The following PHACTR2 variants were observed in gnomAD, a reference collection of about 807,000 sequenced individuals.
PHACTR2 encodes phosphatase and actin regulator 2.
In PHACTR2, 30 loss-of-function variants were observed where a neutral mutation model predicts 76.0. That is an observed-to-expected ratio of 0.39 (90% confidence interval 0.30 to 0.54). The LOEUF (loss-of-function observed/expected upper bound fraction) is 0.54, where lower values mean the gene tolerates loss of function less well. PHACTR2 is among the 20% of genes least tolerant of loss of function. The pLI, the probability that PHACTR2 is intolerant of heterozygous loss-of-function variation, is 0.61. For synonymous variants in PHACTR2, 292 were observed against 292.5 expected (o/e 1.00, Z 0.02); for missense variants, 696 against 781.1 (o/e 0.89, Z 1.30).
At chr6:143,746,010 A>C (rs535174998) in intron 2 of PHACTR2, among the ~76,000 whole-genome samples, 1 of 152,356 alleles carries the variant, frequency 6.6e-6, no homozygotes, top group South Asian at 2.1e-4. Context: ...TCAAAACTAA[A>C]ACTAAAGAAT....
Position 143,775,380 on chromosome 6 carries a change from T to G in PHACTR2, c.1589+1165T>G, listed in dbSNP as rs887569829. ...AATTCAGCCCTAACCTGTGACCATT[T>G]CTGGCTTCGGGAAAAAGCCAGCAGA... On this transcript the variant is annotated intron_variant, in intron 8 of 12. Transcript: ENST00000440869. This position sits in a 1 kb window ranked among gnomAD's most constrained non-coding sequence, Gnocchi z 4.4. 6.6e-6 allele frequency among the ~76,000 whole-genome samples: 1 copy of G among 152,204 alleles called. No homozygotes were observed. Among genetic ancestry groups the G allele is most frequent in the African/African-American group, 2.4e-5 (1 of 41,442 alleles).
At chr6:143,630,615 T>C (rs1776348293) in intron 1 of PHACTR2, among the ~76,000 whole-genome samples, 1 of 152,182 alleles carries the variant, frequency 6.6e-6, no homozygotes, top group East Asian at 1.9e-4. Flanking sequence ...TGAATAAAAA[T>C]CATGGTAATG....
At chr6:143,746,294 A>G (rs892961201) in intron 2 of PHACTR2, among the ~76,000 whole-genome samples, 1 of 152,218 alleles carries the variant, frequency 6.6e-6, no homozygotes, top group African/African-American at 2.4e-5. Flanking sequence ...TAGGAATTCA[A>G]GGACTAGAAT....
intron 1 of PHACTR2, among the ~76,000 whole-genome samples, chr6:143,551,790 A>G (rs1775099006): frequency 1.3e-5 from 2 of 152,178 alleles, no homozygotes; most frequent in African/African-American, 4.8e-5. Context: ...ATATTATAAT[A>G]CCCATTGAAA....
At chr6:143,628,092 G>T (rs1776291535) in intron 1 of PHACTR2, among the ~76,000 whole-genome samples, 1 of 152,152 alleles carries the variant, frequency 6.6e-6, no homozygotes, top group African/African-American at 2.4e-5. Context: ...TGTTTTCAAG[G>T]TTCATCCAGG....
At position 143,616,083 on chromosome 6, in the gene PHACTR2, T is replaced by C. The variant is rs1477489472; in HGVS notation, c.13+7761T>C. On this transcript the variant is annotated intron_variant, in intron 1 of 11. Coordinates refer to the PHACTR2 transcript ENST00000305766. This position sits in a 1 kb window ranked among gnomAD's most constrained non-coding sequence, Gnocchi z 4.9. The stretch of plus-strand genomic sequence containing the variant: ...TCAAAGTTTCAGGGTTTCCTACCAC[T>C]TGGTATAAAGTATCTGCCTAATTGT... Among the ~76,000 whole-genome samples, 1 of 152,242 alleles carries C rather than the reference T, an allele frequency of 6.6e-6. No individual in the cohort carries two copies. The highest frequency in any genetic ancestry group is 1.5e-5 in the Non-Finnish European group (1 of 68,036).
chr6:143,806,719 TG>T lies in PHACTR2; in HGVS notation c.1846-337del, dbSNP rs1776074637. Among the ~76,000 whole-genome samples, 1 of 152,166 alleles carries T rather than the reference TG, an allele frequency of 6.6e-6. No individual in the cohort carries two copies. Among genetic ancestry groups the T allele is most frequent in the African/African-American group, 2.4e-5 (1 of 41,442 alleles). The stretch of plus-strand genomic sequence containing the variant: ...CTGTAATTTCAGCACTTTGAGAAAC[TG>T]AGGTGAGAGGATCACTTGAGCCTAG... On this transcript the variant is annotated intron_variant, in intron 11 of 12. Transcript: ENST00000440869. This position sits in a 1 kb window ranked among gnomAD's most constrained non-coding sequence, Gnocchi z 5.8.
chr6:143,665,287 G>T (rs1777015225), intron 1 of PHACTR2, among the ~76,000 whole-genome samples: 1 of 152,186 alleles, frequency 6.6e-6, no homozygotes, highest in Non-Finnish European at 1.5e-5. Context: ...ATTCCTTAAA[G>T]TGGGATTTGC....
At chr6:143,644,870 G>T (rs1196833115) in intron 1 of PHACTR2, among the ~76,000 whole-genome samples, 13 of 151,528 alleles carry the variant, frequency 8.6e-5, no homozygotes, top group Non-Finnish European at 1.8e-4. Flanking sequence ...GGTGGTGTTT[G>T]GTTACATGAG....
At chr6:143,691,378 T>A (rs895327857) in intron 1 of PHACTR2, among the ~76,000 whole-genome samples, 1 of 152,202 alleles carries the variant, frequency 6.6e-6, no homozygotes, top group African/African-American at 2.4e-5. Flanking sequence ...GAGACTCAGA[T>A]GTTCTGTACA....
At chr6:143,746,973 C>G (rs759338077) in intron 2 of PHACTR2, among the ~76,000 whole-genome samples, 1 of 152,122 alleles carries the variant, frequency 6.6e-6, no homozygotes, top group Admixed American at 6.6e-5. Context: ...GGGAGGGAAG[C>G]CTTCTGTGTA....
intron 11 of PHACTR2, among the ~76,000 whole-genome samples, chr6:143,792,744 C>T (rs181039349): frequency 7.1e-4 from 108 of 152,188 alleles, no homozygotes; most frequent in Middle Eastern, 3.4e-3. Flanking sequence ...GCTCCTAGTC[C>T]GCCAAACTAC....
At chr6:143,752,733 T>C (rs1248631550) in intron 3 of PHACTR2, among the ~76,000 whole-genome samples, 1 of 152,212 alleles carries the variant, frequency 6.6e-6, no homozygotes, top group Non-Finnish European at 1.5e-5. Context: ...AAATGGTTTC[T>C]GTTTTATAAT....
At chr6:143,813,177 C>T (rs955725749) in intron 12 of PHACTR2, among the ~76,000 whole-genome samples, 1 of 152,038 alleles carries the variant, frequency 6.6e-6, no homozygotes, top group Non-Finnish European at 1.5e-5. Context: ...AAATTATTTA[C>T]TTCTTATATT....
rs573537723 is a variant in PHACTR2, at chr6:143,682,887, T to TA, written c.46+4679dup. Among the ~76,000 whole-genome samples the TA allele has an allele frequency of 2.7e-3, 404 of 152,344 alleles. 1 individual carries two copies. Among genetic ancestry groups the TA allele is most frequent in the Middle Eastern group, 0.01 (3 of 294 alleles). On this transcript the variant is annotated intron_variant, in intron 1 of 12. Coordinates refer to ENST00000440869, the MANE Select transcript of PHACTR2 (RefSeq NM_001100164.2). ...GCTATTCCTACTTTGTCAGTGTTTT[T>TA]ATCATGAAAGATTGTTCAATTTTGT...
chr6:143,702,866 AG>A (rs1435476545), intron 1 of PHACTR2, among the ~76,000 whole-genome samples: 1 of 142,336 alleles, frequency 7.0e-6, no homozygotes, highest in Non-Finnish European at 1.5e-5. Context: ...TCATGGCTTC[AG>A]GGCAACATCA....
In PHACTR2 at chr6:143,800,844, T is replaced by C. The variant is rs1775937624; in HGVS notation, c.1846-6213T>C. 6.6e-6 allele frequency among the ~76,000 whole-genome samples: 1 copy of C among 152,240 alleles called. No individual in the cohort carries two copies. The highest frequency in any genetic ancestry group is 2.4e-5 in the African/African-American group (1 of 41,458). On this transcript the variant is annotated intron_variant, in intron 11 of 12. Coordinates refer to ENST00000440869, the MANE Select transcript of PHACTR2 (RefSeq NM_001100164.2). This position sits in a 1 kb window ranked among gnomAD's most constrained non-coding sequence, Gnocchi z 4.8. ...TGCAGTGGCTGGGACTGGTTGTTCC[T>C]TTCCACGTTTAGTGCTTCCTTCAGG...
rs150532626 is a variant in PHACTR2 at position 143,665,980 on chromosome 6, G to A, written c.14-46036G>A. Among the ~76,000 whole-genome samples the A allele has an allele frequency of 2.3e-3, 342 of 151,982 alleles. 3 individuals carry two copies. Among genetic ancestry groups the A allele is most frequent in the Non-Finnish European group, 1.9e-3 (131 of 67,902 alleles). On this transcript the variant is annotated intron_variant, in intron 1 of 11. Coordinates refer to the PHACTR2 transcript ENST00000305766. ...GGTGGTTTGCTGCACCCATAAACCCGTCATCTACATTAGGTATTTATCCTA... is the reference window on the plus strand; with the variant it reads ...GGTGGTTTGCTGCACCCATAAACCCATCATCTACATTAGGTATTTATCCTA...
chr6:143,742,696 A>G lies in PHACTR2; in HGVS notation c.215-6289A>G, dbSNP rs146334924. Among the ~76,000 whole-genome samples the G allele has an allele frequency of 6.6e-6, 1 of 152,346 alleles. No individual in the cohort carries two copies. Among genetic ancestry groups the G allele is most frequent in the Non-Finnish European group, 1.5e-5 (1 of 68,026 alleles). On this transcript the variant is annotated intron_variant, in intron 2 of 12. Transcript: ENST00000440869. This position sits in a 1 kb window ranked among gnomAD's most constrained non-coding sequence, Gnocchi z 4.5. ...CAGGAAGGCCATTTCTAAAAGAAGTAGAAGAGGATGCTAGACATGCCTTTC... is the reference window on the plus strand; with the variant it reads ...CAGGAAGGCCATTTCTAAAAGAAGTGGAAGAGGATGCTAGACATGCCTTTC...
Sources: gnomAD v4.1 joint callset for allele counts (sites outside exome capture counted in the v4.1 genomes callset) on GRCh38, gnomAD v4.1.1 for gene constraint, Gnocchi (gnomAD v3.1) non-coding constraint, MANE v1.5 for transcripts, NCBI Gene and HGNC (gene_info 2026-07-23, HGNC 2026-07-21) for gene names.